The following KCNK9 variants were observed in gnomAD, a reference collection of about 807,000 sequenced individuals.
The protein encoded by KCNK9 is potassium channel subfamily K member 9.
Under a neutral mutation model 10.8 loss-of-function variants are expected in KCNK9, and 1 was observed. The ratio of observed to expected loss-of-function variants is 0.09; its 90% CI spans 0.03 to 0.44. The LOEUF (loss-of-function observed/expected upper bound fraction) is 0.44, where lower values mean the gene tolerates loss of function less well. KCNK9 is among the 20% of genes least tolerant of loss of function. KCNK9 has a pLI of 0.97. For missense variants in KCNK9, 303 were observed against 515.0 expected (o/e 0.59, Z 3.98); for synonymous variants, 231 against 222.7 (o/e 1.04, Z -0.33).
At chr8:139,679,150 C>T (rs1175580766) in intron 1 of KCNK9, among the ~76,000 whole-genome samples, 1 of 152,214 alleles carries the variant, frequency 6.6e-6, no homozygotes. Context: ...AACAACGGGC[C>T]CAGCTAAAAA....
Position 139,620,428 on chromosome 8 carries a change from G to A in KCNK9, c.284-1329C>T, listed in dbSNP as rs116071324. On this transcript the variant is annotated intron_variant, in intron 1 of 1. Coordinates refer to ENST00000520439, the MANE Select transcript of KCNK9 (RefSeq NM_001282534.2). Reference sequence around the variant, plus strand: ...CATGGCATAATTGTTCTTAGGTGGCGTTGTATGGATCCGCCGAGATCAGAC... The same window carrying A: ...CATGGCATAATTGTTCTTAGGTGGCATTGTATGGATCCGCCGAGATCAGAC... Among the ~76,000 whole-genome samples, 1,004 of 152,212 alleles carry A rather than the reference G, an allele frequency of 6.6e-3. 11 individuals are homozygous for A. The highest frequency in any genetic ancestry group is 0.023 in the African/African-American group (958 of 41,520).
At chr8:139,676,783 C>A (rs57913268) in intron 1 of KCNK9, among the ~76,000 whole-genome samples, 1,535 of 152,244 alleles carry the variant, frequency 0.01, 25 homozygotes, top group African/African-American at 0.035. Flanking sequence ...AAACCCGTCT[C>A]TATTAAAAAT....
rs1814697610 is a variant in KCNK9 at position 139,619,176 on chromosome 8, T to TGGTGC, written c.284-82_284-78dup. On this transcript the variant is annotated intron_variant, in intron 1 of 1. Coordinates refer to ENST00000520439, the MANE Select transcript of KCNK9 (RefSeq NM_001282534.2). ...AGGTTGGGGGAAGGGAGGGTCGACT[T>TGGTGC]GGTGCAGTGCAGTGCAATGCAGAGG... The TGGTGC allele has an allele frequency of 1.1e-5, 17 of 1,533,006 alleles. No homozygotes were observed. The East Asian group carries it at 3.2e-4, about 29-fold the overall frequency. 95.0% of individuals were successfully genotyped at this position (1,533,006 alleles called of 1,614,324 possible).
chr8:139,648,859 T>C (rs1187520516), intron 1 of KCNK9, among the ~76,000 whole-genome samples: 2 of 152,196 alleles, frequency 1.3e-5, no homozygotes, highest in East Asian at 3.9e-4. Flanking sequence ...TGGGGTGTCA[T>C]TCCCATCCCC....
At chr8:139,701,863 G>A (rs1817227852) in intron 1 of KCNK9, among the ~76,000 whole-genome samples, 1 of 152,220 alleles carries the variant, frequency 6.6e-6, no homozygotes, top group South Asian at 2.1e-4. Context: ...CCTGCTCTGT[G>A]AATAGCGCCC....
intron 1 of KCNK9, among the ~76,000 whole-genome samples, chr8:139,652,633 G>T (rs1169310547): frequency 6.6e-6 from 1 of 152,194 alleles, no homozygotes; most frequent in African/African-American, 2.4e-5. Context: ...CTGATTCAAT[G>T]GTTATTTGTT....
At chr8:139,649,291 C>A (rs896606704) in intron 1 of KCNK9, among the ~76,000 whole-genome samples, 2 of 152,244 alleles carry the variant, frequency 1.3e-5, no homozygotes, top group Non-Finnish European at 1.5e-5. Flanking sequence ...GCGTCAGAAG[C>A]GTGTATTTAA....
chr8:139,694,260 G>A (rs34266476), intron 1 of KCNK9, among the ~76,000 whole-genome samples: 55,581 of 152,062 alleles, frequency 0.37, 11,936 homozygotes, highest in Non-Finnish European at 0.48. Flanking sequence ...CCCCTAATGA[G>A]CACGCCCAAA....
At position 139,618,795 on chromosome 8, in the gene KCNK9, C is replaced by T. The variant is rs1386419495; in HGVS notation, c.588G>A (p.Thr196=). Residue 196 remains threonine (T), a synonymous_variant, in exon 2 of 2, where the codon ACG becomes ACA. Transcript: ENST00000520439. This position sits in a 1 kb window ranked among gnomAD's most constrained non-coding sequence, Gnocchi z 7.9. ...AGTCCCCGAACCCAATGGTAGTCAA[C>T]GTGATGAAGCAGTAGTAGTAGGCGT... is the stretch of plus-strand genomic sequence containing the variant. ...FFHAYYYCFI[T]LTTIGFGDYV... The T allele has an allele frequency of 7.4e-6, 12 of 1,614,082 alleles. No homozygotes were observed. Among genetic ancestry groups the T allele is most frequent in the Admixed American group, 1.7e-5 (1 of 60,004 alleles).
intron 1 of KCNK9, among the ~76,000 whole-genome samples, chr8:139,685,098 T>C (rs368415489): frequency 5.5e-4 from 64 of 115,326 alleles, no homozygotes; most frequent in African/African-American, 1.7e-3. Context: ...TGTGTAGAAC[T>C]TTATACACAA....
chr8:139,619,251 A>G (rs1256406312), intron 1 of KCNK9, 152 bp from the exon 2 acceptor site: 1 of 834,002 alleles, frequency 1.2e-6, no homozygotes, highest in African/African-American at 1.7e-5. Flanking sequence ...GCGTGGCCAT[A>G]TATTGGAGGG....
chr8:139,636,459 G>A (rs554044655), intron 1 of KCNK9, among the ~76,000 whole-genome samples: 2 of 152,342 alleles, frequency 1.3e-5, no homozygotes, highest in South Asian at 4.1e-4. Context: ...CTGTCCAGAT[G>A]CAGAACCTCT....
intron 1 of KCNK9, among the ~76,000 whole-genome samples, chr8:139,624,755 C>G (rs779309806): frequency 5.9e-5 from 9 of 152,192 alleles, no homozygotes; most frequent in African/African-American, 9.6e-5. Flanking sequence ...TCCAGTTCAC[C>G]CGGCCCACCT....
At chr8:139,666,176 C>G (rs1159873) in intron 1 of KCNK9, among the ~76,000 whole-genome samples, 1 of 152,040 alleles carries the variant, frequency 6.6e-6, no homozygotes, top group South Asian at 2.1e-4. Flanking sequence ...ACAGTAAATA[C>G]CTGCTAGGGA....
intron 1 of KCNK9, among the ~76,000 whole-genome samples, chr8:139,666,305 G>T (rs987100572): frequency 6.6e-6 from 1 of 152,178 alleles, no homozygotes; most frequent in African/African-American, 2.4e-5. Flanking sequence ...TGTGTAGGGT[G>T]GGTAAGACAA....
intron 1 of KCNK9, among the ~76,000 whole-genome samples, chr8:139,624,502 A>G (rs752936562): frequency 2.0e-5 from 3 of 152,126 alleles, no homozygotes; most frequent in Non-Finnish European, 4.4e-5. Context: ...TTTAGGCTCC[A>G]GGGTCCTGCT....
In KCNK9 at chr8:139,665,362, C is replaced by T. The variant is rs372330874; in HGVS notation, c.283+37348G>A. Among the ~76,000 whole-genome samples the T allele has an allele frequency of 3.3e-5, 5 of 152,312 alleles. No individual in the cohort carries two copies. In the East Asian group the frequency reaches 9.7e-4, roughly 29 times the overall value. On this transcript the variant is annotated intron_variant, in intron 1 of 1. Coordinates refer to ENST00000520439, the MANE Select transcript of KCNK9 (RefSeq NM_001282534.2). ...CCTCTGCTTCAATCATCAGAACTCT[C>T]CTGACTCTACCCTCCTGCCTCCCTC... is the stretch of plus-strand genomic sequence containing the variant.
intron 1 of KCNK9, among the ~76,000 whole-genome samples, chr8:139,633,035 A>G (rs2129636508): frequency 6.6e-6 from 1 of 152,306 alleles, no homozygotes; most frequent in African/African-American, 2.4e-5. Context: ...ACGAGGGCTC[A>G]GGGACACGAG....
chr8:139,615,797 TA>T (rs1814571843), downstream of KCNK9: 2 of 151,998 alleles, frequency 1.3e-5, no homozygotes, highest in South Asian at 4.2e-4. Flanking sequence ...TTCCTGGGAA[TA>T]GAGAAGCTCT....
Sources: allele counts gnomAD v4.1 joint callset (sites outside exome capture counted in the v4.1 genomes callset), GRCh38; gene constraint gnomAD v4.1.1; non-coding constraint Gnocchi (gnomAD v3.1); transcripts MANE v1.5; gene names NCBI Gene and HGNC (gene_info 2026-07-23, HGNC 2026-07-21).